SRGAP1: variants seen among roughly 807,000 people sequenced by gnomAD.
The protein encoded by SRGAP1 is SLIT-ROBO Rho GTPase-activating protein 1.
Under a neutral mutation model 121.9 loss-of-function variants are expected in SRGAP1, and 43 were observed. The observed-to-expected ratio is 0.35, with a 90% CI of 0.28 to 0.46. SRGAP1 has a LOEUF of 0.46. SRGAP1 is among the 20% of genes least tolerant of loss of function. SRGAP1 has a pLI of 1.00. For missense variants in SRGAP1, 1,102 were observed against 1,350.9 expected (o/e 0.82, Z 2.89); for synonymous variants, 447 against 485.4 (o/e 0.92, Z 1.04).
At position 64,043,157 on chromosome 12, in the gene SRGAP1, G is replaced by A. The variant is rs1387062034; in HGVS notation, c.672+185G>A. ...TAATAACAGCTGGACATCATTTAGT[G>A]GTGAATGCCAAGTATTCAATACACA... On this transcript the variant is annotated intron_variant, in intron 5 of 21. Transcript: ENST00000355086. Among the ~76,000 whole-genome samples, 5 of 152,180 alleles carry A rather than the reference G, an allele frequency of 3.3e-5. No individual in the cohort carries two copies. The East Asian group carries it at 9.6e-4, about 29-fold the overall frequency.
intron 1 of SRGAP1, among the ~76,000 whole-genome samples, chr12:63,932,692 G>A (rs1001576402): frequency 6.6e-5 from 10 of 152,190 alleles, no homozygotes; most frequent in African/African-American, 2.4e-4. Context: ...TTACTAGTCT[G>A]CAGAAGACCC....
At chr12:64,096,202 T>A (rs1302652884) in intron 14 of SRGAP1, among the ~76,000 whole-genome samples, 1 of 152,180 alleles carries the variant, frequency 6.6e-6, no homozygotes, top group African/African-American at 2.4e-5. Flanking sequence ...TATTTGTTAT[T>A]TGTTTGTGAT....
In SRGAP1 at chr12:63,956,325, A is replaced by G. The variant is rs78814245; in HGVS notation, c.68-27622A>G. Among the ~76,000 whole-genome samples the G allele has an allele frequency of 9.0e-3, 1,377 of 152,282 alleles. 17 individuals carry two copies. The highest frequency in any genetic ancestry group is 0.03 in the African/African-American group (1,263 of 41,552). ...AGCGATCCGTCTGCCTCAGCCTTCC[A>G]GATTGCTGGGAATACAGGCATGAAC... On this transcript the variant is annotated intron_variant, in intron 1 of 21. Coordinates refer to ENST00000355086, the MANE Select transcript of SRGAP1 (RefSeq NM_020762.4).
intron 1 of SRGAP1, among the ~76,000 whole-genome samples, chr12:63,918,796 A>G (rs2030908108): frequency 6.6e-6 from 1 of 152,160 alleles, no homozygotes; most frequent in African/African-American, 2.4e-5. Flanking sequence ...TTTATTGTAT[A>G]TGCCGAGTAC....
chr12:63,949,396 T>TTTATTATTA (rs71089906), intron 1 of SRGAP1, among the ~76,000 whole-genome samples: 16 of 126,072 alleles, frequency 1.3e-4, no homozygotes, highest in East Asian at 4.5e-4. Flanking sequence ...ATTTTTATTA[T>TTTATTATTA]TTATTATTAT....
intron 6 of SRGAP1, among the ~76,000 whole-genome samples, chr12:64,056,885 A>G (rs1183559378): frequency 6.6e-6 from 1 of 152,100 alleles, no homozygotes; most frequent in African/African-American, 2.4e-5. Flanking sequence ...TGCCCTATAT[A>G]AAAGGACAAC....
chr12:64,106,431 TATGAG>T (rs1266479641), intron 15 of SRGAP1, among the ~76,000 whole-genome samples: 1 of 152,244 alleles, frequency 6.6e-6, no homozygotes, highest in African/African-American at 2.4e-5. Context: ...TAATTTCTGA[TATGAG>T]ATAATAATGC....
In SRGAP1 at chr12:64,044,566, C is replaced by G. The variant is rs113059472; in HGVS notation, c.801+991C>G. Among the ~76,000 whole-genome samples, 396 of 150,966 alleles carry G rather than the reference C, an allele frequency of 2.6e-3. 1 individual carries two copies. The highest frequency in any genetic ancestry group is 9.1e-3 in the African/African-American group (374 of 41,136). Reference sequence around the variant, plus strand: ...CTTCATTTTTCTGGTGAATTTAAGTCTCATGTATTTAGCTGTGCCAAACTG... The same window carrying G: ...CTTCATTTTTCTGGTGAATTTAAGTGTCATGTATTTAGCTGTGCCAAACTG... On this transcript the variant is annotated intron_variant, in intron 6 of 21. Coordinates refer to ENST00000355086, the MANE Select transcript of SRGAP1 (RefSeq NM_020762.4).
chr12:64,071,779 G>T (rs2035640727), intron 8 of SRGAP1, among the ~76,000 whole-genome samples: 1 of 152,028 alleles, frequency 6.6e-6, no homozygotes, highest in South Asian at 2.1e-4. Flanking sequence ...AAACAAGAGA[G>T]CCTAGCATTT....
chr12:63,943,160 T>G (rs955078867), intron 1 of SRGAP1, among the ~76,000 whole-genome samples: 1 of 152,210 alleles, frequency 6.6e-6, no homozygotes. Context: ...GTATTAATGG[T>G]CATTCAAGGA....
In SRGAP1 at chr12:64,116,600, A is replaced by G. The variant is rs571296855; in HGVS notation, c.2224+707A>G. On this transcript the variant is annotated intron_variant, in intron 18 of 21. Transcript: ENST00000355086. The stretch of plus-strand genomic sequence containing the variant: ...TGCAGTTTGAACTGTTTATTTTACC[A>G]CTGTATAATATTCCATTGTATGTAT... 4.7e-4 allele frequency among the ~76,000 whole-genome samples: 72 copies of G among 152,142 alleles called. 1 individual carries two copies. The South Asian group carries it at 7.7e-3, about 16-fold the overall frequency.
intron 3 of SRGAP1, among the ~76,000 whole-genome samples, chr12:64,012,029 T>C (rs1337808979): frequency 1.3e-5 from 2 of 151,636 alleles, no homozygotes; most frequent in African/African-American, 4.9e-5. Flanking sequence ...GCCACTGCAC[T>C]TCAGCCTAGG....
chr12:63,868,054 ATATTTTT>A (rs1565927609), intron 1 of SRGAP1, among the ~76,000 whole-genome samples: 1 of 33,614 alleles, frequency 3.0e-5, no homozygotes, highest in African/African-American at 8.4e-5. Context: ...ATATATATAT[ATATTTTT>A]TTTTTTTTTT....
chr12:63,976,035 T>A (rs2033084009), intron 1 of SRGAP1, among the ~76,000 whole-genome samples: 1 of 152,238 alleles, frequency 6.6e-6, no homozygotes, highest in Non-Finnish European at 1.5e-5. Flanking sequence ...AACGTAAGTC[T>A]GATTATAAAT....
chr12:63,904,998 T>C (rs1353331799), intron 1 of SRGAP1, among the ~76,000 whole-genome samples: 1 of 152,176 alleles, frequency 6.6e-6, no homozygotes, highest in Admixed American at 6.6e-5. Context: ...TGCTGCCTGC[T>C]ACCCTCCCCC....
In SRGAP1 at chr12:63,865,997, G is replaced by A. The variant is rs115896158; in HGVS notation, c.67+21114G>A. ...CACTTTTCGTTGCATGTCAACATCC[G>A]ATGGAGAAATAGTTTGTTGTTATTT... On this transcript the variant is annotated intron_variant, in intron 1 of 21. Coordinates refer to ENST00000355086, the MANE Select transcript of SRGAP1 (RefSeq NM_020762.4). Among the ~76,000 whole-genome samples the A allele has an allele frequency of 2.9e-3, 447 of 152,262 alleles. 1 individual carries two copies. The highest frequency in any genetic ancestry group is 0.01 in the African/African-American group (417 of 41,550).
chr12:64,116,126 G>A (rs1317451792), intron 18 of SRGAP1: 25 of 445,568 alleles, frequency 5.6e-5, no homozygotes, highest in Non-Finnish European at 6.2e-5. Context: ...GCGTGGTGAT[G>A]TGCACCTGTA....
At chr12:64,027,044 C>T (rs2034669914) in intron 4 of SRGAP1, among the ~76,000 whole-genome samples, 1 of 152,022 alleles carries the variant, frequency 6.6e-6, no homozygotes, top group Admixed American at 6.6e-5. Flanking sequence ...GTGTGTGCTG[C>T]CATGCTAGGA....
At position 63,984,154 on chromosome 12, in the gene SRGAP1, G is replaced by T. The variant is rs756697271; in HGVS notation, c.263+12G>T. 1 of 1,407,396 alleles carries T rather than the reference G, an allele frequency of 7.1e-7. No individual in the cohort carries two copies. The highest frequency in any genetic ancestry group is 1.7e-5 in the South Asian group (1 of 60,404). 87.2% of individuals were successfully genotyped at this position (1,407,396 alleles called of 1,614,324 possible). On this transcript the variant is annotated intron_variant, in intron 2 of 21. Transcript: ENST00000355086. ...CATCAACAATACAAGTAAGAGATTT[G>T]AATCTAATTCACCTTTCCAAGGGTG...
Sources: gnomAD v4.1 joint callset for allele counts (sites outside exome capture counted in the v4.1 genomes callset) on GRCh38, gnomAD v4.1.1 for gene constraint, MANE v1.5 for transcripts, NCBI Gene and HGNC (gene_info 2026-07-23, HGNC 2026-07-21) for gene names.